PMFBP1: variants seen among roughly 807,000 people sequenced by gnomAD.
The protein encoded by PMFBP1 is polyamine-modulated factor 1-binding protein 1.
In PMFBP1, 131 loss-of-function variants were observed where a neutral mutation model predicts 137.8. The ratio of observed to expected loss-of-function variants is 0.95; its 90% CI spans 0.82 to 1.10. The LOEUF is 1.10. Ranked by LOEUF, PMFBP1 falls within the 50% of genes least tolerant of loss-of-function variation. The pLI is 0.00. For synonymous variants in PMFBP1, 490 were observed against 450.4 expected, an observed-to-expected ratio of 1.09 and a Z score of -1.11; for missense variants, 1,199 against 1,175.4, an observed-to-expected ratio of 1.02 and a Z score of -0.29.
chr16:72,190,813 T>G, the PMFBP1 span, among the ~76,000 whole-genome samples: 2 of 152,162 alleles, frequency 1.3e-5, no homozygotes, highest in Admixed American at 6.5e-5. Context: ...AAGCATAACA[T>G]TAACAGGTTC....
intron 9 of PMFBP1, among the ~76,000 whole-genome samples, chr16:72,134,498 TAAAAGTGC>T (rs1160395637): frequency 6.6e-6 from 1 of 152,208 alleles, no homozygotes; most frequent in Non-Finnish European, 1.5e-5. Flanking sequence ...AGGGGGATCT[TAAAAGTGC>T]AAGTCAGATC....
the PMFBP1 span, among the ~76,000 whole-genome samples, chr16:72,211,555 C>T: frequency 5.3e-5 from 8 of 151,734 alleles, no homozygotes; most frequent in South Asian, 1.7e-3. Flanking sequence ...CAAAAATAGA[C>T]AAACAGAAAG....
intron 5 of PMFBP1, among the ~76,000 whole-genome samples, chr16:72,148,416 T>A (rs1333628204): frequency 6.6e-6 from 1 of 152,122 alleles, no homozygotes; most frequent in Non-Finnish European, 1.5e-5. Context: ...AAATACCTAA[T>A]GTAAATGACA....
At chr16:72,148,211 T>G (rs1302643113) in intron 5 of PMFBP1, among the ~76,000 whole-genome samples, 3 of 152,294 alleles carry the variant, frequency 2.0e-5, no homozygotes, top group Non-Finnish European at 4.4e-5. Flanking sequence ...TGAGTTCATG[T>G]CCTTTGCAGG....
At chr16:72,209,555 A>T in the PMFBP1 span, among the ~76,000 whole-genome samples, 1 of 152,082 alleles carries the variant, frequency 6.6e-6, no homozygotes, top group Non-Finnish European at 1.5e-5. Context: ...TTAAATATAC[A>T]TTGTCATCAT....
chr16:72,146,908 T>C (rs1471100039), intron 5 of PMFBP1, among the ~76,000 whole-genome samples: 1 of 152,196 alleles, frequency 6.6e-6, no homozygotes, highest in Non-Finnish European at 1.5e-5. Flanking sequence ...TCCATGCTCA[T>C]GGATAGGAAG....
chr16:72,149,878 G>A (rs548199581), intron 5 of PMFBP1, among the ~76,000 whole-genome samples: 1 of 152,214 alleles, frequency 6.6e-6, no homozygotes, highest in South Asian at 2.1e-4. Flanking sequence ...ATTTATATAT[G>A]TAACTGTATA....
chr16:72,130,099 C>T (rs1479489152), intron 12 of PMFBP1, 114 bp downstream of exon 12: 18 of 1,411,800 alleles, frequency 1.3e-5, no homozygotes, highest in Non-Finnish European at 1.6e-5. Context: ...AAGTGATCTG[C>T]CTGCCTTGGC....
At chr16:72,160,952 C>T (rs1299914289) in intron 3 of PMFBP1, among the ~76,000 whole-genome samples, 8 of 152,304 alleles carry the variant, frequency 5.3e-5, no homozygotes, top group Middle Eastern at 6.8e-3. Flanking sequence ...CACAAGGTAG[C>T]AGCAGCAACC....
the PMFBP1 span, among the ~76,000 whole-genome samples, chr16:72,213,829 A>T: frequency 8.5e-5 from 13 of 152,224 alleles, 1 homozygote; most frequent in African/African-American, 3.1e-4. Context: ...AATTTTACAC[A>T]TAAACAGCAA....
upstream of PMFBP1, chr16:72,176,973 C>A (rs551471126): frequency 6.6e-6 from 1 of 152,320 alleles, no homozygotes; most frequent in East Asian, 1.9e-4. Flanking sequence ...GATGTCAGTT[C>A]TTTGTGTTCA....
rs753631662 is a variant in PMFBP1 at position 72,150,841 on chromosome 16, G to C, written c.415-12C>G. 1.2e-6 allele frequency: 2 copies of C among 1,606,862 alleles called. No homozygotes were observed. Among genetic ancestry groups the C allele is most frequent in the East Asian group, 4.5e-5 (2 of 44,866 alleles). On this transcript the variant is annotated splice_polypyrimidine_tract_variant and intron_variant, in intron 4 of 20. Coordinates refer to ENST00000237353, the MANE Select transcript of PMFBP1 (RefSeq NM_031293.3). ...TCATAGAGAATCACCTGTAGGTGTA[G>C]GAATAAATCCACATTGAGCCCATGG...
At chr16:72,241,190 C>T in the PMFBP1 span, among the ~76,000 whole-genome samples, 1 of 152,138 alleles carries the variant, frequency 6.6e-6, no homozygotes, top group Non-Finnish European at 1.5e-5. Flanking sequence ...CCTGCAGGCT[C>T]TCACCGACCA....
the PMFBP1 span, among the ~76,000 whole-genome samples, chr16:72,182,776 G>A: frequency 3.9e-5 from 6 of 152,148 alleles, no homozygotes; most frequent in Non-Finnish European, 8.8e-5. Flanking sequence ...TTCAACATTT[G>A]AATATGTAAC....
chr16:72,143,528 A>G (rs2042755794), intron 5 of PMFBP1, among the ~76,000 whole-genome samples: 1 of 152,042 alleles, frequency 6.6e-6, no homozygotes, highest in South Asian at 2.1e-4. Flanking sequence ...AGATCACTTG[A>G]GGTCAGGAGT....
the PMFBP1 span, among the ~76,000 whole-genome samples, chr16:72,197,592 G>T: frequency 1.3e-5 from 2 of 152,244 alleles, no homozygotes; most frequent in East Asian, 3.9e-4. Context: ...AGTCTGCCAC[G>T]TTATGTCCCC....
intron 12 of PMFBP1, among the ~76,000 whole-genome samples, chr16:72,129,832 A>G (rs2144275494): frequency 6.6e-6 from 1 of 152,178 alleles, no homozygotes; most frequent in African/African-American, 2.4e-5. Flanking sequence ...TTCCCAAATA[A>G]TGACTGATAT....
the PMFBP1 span, among the ~76,000 whole-genome samples, chr16:72,186,266 T>C: frequency 4.6e-5 from 7 of 152,222 alleles, no homozygotes; most frequent in Non-Finnish European, 1.0e-4. Context: ...AGCTCCCCTG[T>C]AATCTACTTT....
At chr16:72,117,828 C>A (rs1329288289), downstream of PMFBP1, among the ~76,000 whole-genome samples, 1 of 152,230 alleles carries the variant, frequency 6.6e-6, no homozygotes, top group African/African-American at 2.4e-5. Context: ...AGGCAACACT[C>A]AGTTTCCCTG....
Sources: gnomAD v4.1 joint callset for allele counts (sites outside exome capture counted in the v4.1 genomes callset) on GRCh38, gnomAD v4.1.1 for gene constraint, MANE v1.5 for transcripts, NCBI Gene and HGNC (gene_info 2026-07-23, HGNC 2026-07-21) for gene names.